The following MYOM1 variants were observed in gnomAD, a reference collection of about 807,000 sequenced individuals.
MYOM1 encodes the protein myomesin-1.
Under a neutral mutation model 205.3 loss-of-function variants are expected in MYOM1, and 164 were observed. That is an observed-to-expected ratio of 0.80 (90% CI 0.70 to 0.91). MYOM1 has a LOEUF of 0.91. Among genes scored for constraint, MYOM1 ranks in the 40% least tolerant of loss-of-function variants. The pLI, the probability that MYOM1 is intolerant of heterozygous loss-of-function variation, is 0.00. For missense variants in MYOM1, 2,011 were observed against 2,127.3 expected (o/e 0.95, Z 1.08); for synonymous variants, 772 against 789.4 (o/e 0.98, Z 0.37).
chr18:3,076,252 G>C (rs2079019897), intron 34 of MYOM1, among the ~76,000 whole-genome samples: 2 of 152,066 alleles, frequency 1.3e-5, no homozygotes, highest in African/African-American at 4.8e-5. Flanking sequence ...GTTTTTAGTA[G>C]ATACGGGGTT....
In MYOM1 at chr18:3,173,899, CAT is replaced by C. The variant is rs1598742724; in HGVS notation, c.1174+37_1174+38del. On this transcript the variant is annotated intron_variant, in intron 8 of 37. Transcript: ENST00000356443. The stretch of plus-strand genomic sequence containing the variant: ...GGCTAACTTATTATGCCATATTTTA[CAT>C]AGAGGTGACACTTAGTAAATGTGTT... The C allele has an allele frequency of 2.5e-6, 4 of 1,571,196 alleles. No homozygotes were observed. The African/African-American group carries it at 4.1e-5, about 16-fold the overall frequency.
rs375269361 is a variant in MYOM1 at position 3,075,776 on chromosome 18, A to G, written c.4649-15T>C. On this transcript the variant is annotated splice_polypyrimidine_tract_variant and intron_variant, in intron 34 of 37. Transcript: ENST00000356443. ...CTCATCGTATGCTTTAAAAGAAAAA[A>G]GAAAAGTTAGAATTTTCTCACCCAG... The G allele has an allele frequency of 6.0e-5, 94 of 1,568,536 alleles. 1 individual carries two copies. In the South Asian group the frequency reaches 9.5e-4, roughly 16 times the overall value.
Position 3,071,882 on chromosome 18 carries a change from G to C in MYOM1, c.4716C>G (p.Ala1572=). The C allele has an allele frequency of 6.2e-7, 1 of 1,604,698 alleles. No homozygotes were observed. Among genetic ancestry groups the C allele is most frequent in the Non-Finnish European group, 8.5e-7 (1 of 1,175,570 alleles). ...CGTCTGGGAGACCTCCCAACACCCG[G>C]GCACGATCTGCAAGCATAGGCATTT... ...KQAAIAEKNR[A]RVLGGLPDVV... The change falls in exon 37 of 38, where the codon GCC becomes GCG. Residue 1572 remains alanine, a synonymous_variant. Transcript: ENST00000356443.
intron 2 of MYOM1, among the ~76,000 whole-genome samples, chr18:3,197,629 G>A (rs181142640): frequency 3.3e-5 from 5 of 151,794 alleles, no homozygotes; most frequent in African/African-American, 7.3e-5. Flanking sequence ...ATCCCAGCAC[G>A]TTGGGAGGCC....
At chr18:3,116,628 A>C in intron 20 of MYOM1, 113 bp from the exon 21 acceptor site, 1 of 962,912 alleles carries the variant, frequency 1.0e-6, no homozygotes, top group Non-Finnish European at 1.5e-6. Context: ...TTCTTTTTTC[A>C]AAATCTAGCT....
At position 3,141,923 on chromosome 18, in the gene MYOM1, G is replaced by A. The variant is rs1222450975; in HGVS notation, c.2025+16C>T. 1.2e-6 allele frequency: 2 copies of A among 1,613,294 alleles called. No homozygotes were observed. Among genetic ancestry groups the A allele is most frequent in the Non-Finnish European group, 1.7e-6 (2 of 1,179,538 alleles). Reference sequence around the variant, plus strand: ...TTAGGAGGTAGTATGAGGTCATGTTGATTCTAGAGTCTTACCTTTTCCACA... The same window carrying A: ...TTAGGAGGTAGTATGAGGTCATGTTAATTCTAGAGTCTTACCTTTTCCACA... On this transcript the variant is annotated intron_variant, in intron 14 of 37. Coordinates refer to ENST00000356443, the MANE Select transcript of MYOM1 (RefSeq NM_003803.4).
At chr18:3,127,299 A>T (rs867803442) in intron 18 of MYOM1, among the ~76,000 whole-genome samples, 7 of 49,892 alleles carry the variant, frequency 1.4e-4, no homozygotes, top group African/African-American at 6.5e-4. Flanking sequence ...ATATATATAT[A>T]TATATATTTT....
Position 3,083,856 on chromosome 18 carries a change from C to T in MYOM1, c.4417G>A (p.Glu1473Lys), listed in dbSNP as rs775856550. The stretch of plus-strand genomic sequence containing the variant: ...ACAAAAGAGTACAGTTGGATGCCCT[C>T]GGCTGTGCTCTGGATTTTCAGGTCT... Reference protein sequence around the residue: ...ATDLKIQSTAEGIQLYSFVTY... With the variant: ...ATDLKIQSTAKGIQLYSFVTY... Residue 1473 changes from glutamate (E) to lysine (K), a missense_variant, in exon 33 of 38, where the codon GAG becomes AAG. Glu to Lys is a moderately conservative substitution (Grantham distance 56). Transcript: ENST00000356443. The T allele has an allele frequency of 2.5e-5, 39 of 1,583,610 alleles. No individual in the cohort carries two copies. The highest frequency in any genetic ancestry group is 1.7e-4 in the Middle Eastern group (1 of 6,050).
At chr18:3,078,583 C>T (rs1412870140) in intron 34 of MYOM1, among the ~76,000 whole-genome samples, 1 of 152,086 alleles carries the variant, frequency 6.6e-6, no homozygotes, top group East Asian at 1.9e-4. Flanking sequence ...GCATATGCTA[C>T]CACACTTGGC....
chr18:3,236,861 C>T, the MYOM1 span, among the ~76,000 whole-genome samples: 3 of 151,934 alleles, frequency 2.0e-5, no homozygotes, highest in African/African-American at 4.8e-5. Context: ...ATGTGATTAG[C>T]GAAATTAGGA....
chr18:3,161,199 C>T (rs996699166), intron 10 of MYOM1, among the ~76,000 whole-genome samples: 1 of 152,202 alleles, frequency 6.6e-6, no homozygotes. Context: ...TAGACTTTTT[C>T]ATGATGCCTT....
chr18:3,068,949 A>G (rs1050266377), intron 37 of MYOM1, among the ~76,000 whole-genome samples: 2 of 152,126 alleles, frequency 1.3e-5, no homozygotes, highest in African/African-American at 4.8e-5. Flanking sequence ...AATTAAAAAA[A>G]TAGAGAATAG....
At chr18:3,117,527 G>T (rs973864541) in intron 20 of MYOM1, among the ~76,000 whole-genome samples, 2 of 152,154 alleles carry the variant, frequency 1.3e-5, no homozygotes, top group Non-Finnish European at 2.9e-5. Context: ...CCCTCTGCAG[G>T]GAGAAAGCCA....
chr18:3,237,407 T>C, the MYOM1 span, among the ~76,000 whole-genome samples: 4 of 151,846 alleles, frequency 2.6e-5, no homozygotes, highest in Non-Finnish European at 4.4e-5. Context: ...AAGACCATCC[T>C]GGCTAACAAG....
intron 34 of MYOM1, among the ~76,000 whole-genome samples, chr18:3,077,078 T>G (rs950940787): frequency 6.6e-6 from 1 of 151,088 alleles, no homozygotes; most frequent in South Asian, 2.1e-4. Flanking sequence ...AGTAGTGCAA[T>G]CATAGCTTGA....
chr18:3,102,295 C>T (rs764828416), intron 23 of MYOM1, among the ~76,000 whole-genome samples, 179 bp downstream of exon 23: 27 of 152,110 alleles, frequency 1.8e-4, no homozygotes, highest in African/African-American at 4.3e-4. Context: ...TGAGCCACCG[C>T]GCTCGGCCTA....
In MYOM1 at chr18:3,067,207, C is replaced by A; in HGVS notation, c.*55G>T. ...AGCATGAAGACGTCTCATCCTTAAC[C>A]CAAACCATTCACACCCAAGTCACAC... On this transcript the variant is annotated 3_prime_UTR_variant, in exon 38 of 38. Coordinates refer to ENST00000356443, the MANE Select transcript of MYOM1 (RefSeq NM_003803.4). 6.6e-7 allele frequency: 1 copy of A among 1,523,432 alleles called. No homozygotes were observed. The highest frequency in any genetic ancestry group is 1.2e-5 in the South Asian group (1 of 80,932). The allele number at this position is 1,523,432 out of a possible 1,614,324, so 94.4% of individuals were successfully genotyped here.
At chr18:3,208,203 T>C (rs1374388287) in intron 2 of MYOM1, among the ~76,000 whole-genome samples, 1 of 152,176 alleles carries the variant, frequency 6.6e-6, no homozygotes, top group Non-Finnish European at 1.5e-5. Context: ...GGGTTGGTCT[T>C]TGGGATTCAG....
At chr18:3,099,135 A>G (rs1162421645) in intron 25 of MYOM1, among the ~76,000 whole-genome samples, 1 of 152,172 alleles carries the variant, frequency 6.6e-6, no homozygotes, top group Non-Finnish European at 1.5e-5. Flanking sequence ...GGTTTTGAGA[A>G]CATTACAGCT....
Sources: allele counts gnomAD v4.1 joint callset (sites outside exome capture counted in the v4.1 genomes callset), GRCh38; gene constraint gnomAD v4.1.1; transcripts MANE v1.5; gene names NCBI Gene and HGNC (gene_info 2026-07-23, HGNC 2026-07-21).